NTNG1: variants seen among roughly 807,000 people sequenced by gnomAD.
NTNG1 encodes netrin-G1.
Under a neutral mutation model 54.0 loss-of-function variants are expected in NTNG1, and 16 were observed. The ratio of observed to expected loss-of-function variants is 0.30; its 90% confidence interval spans 0.20 to 0.45. The LOEUF is 0.45. Ranked by LOEUF, NTNG1 falls within the 20% of genes least tolerant of loss-of-function variation. NTNG1 has a pLI of 1.00. For synonymous variants in NTNG1, 255 were observed against 263.1 expected, an observed-to-expected ratio of 0.97 and a Z score of 0.30; for missense variants, 530 against 678.7, an observed-to-expected ratio of 0.78 and a Z score of 2.43.
chr1:107,186,233 G>C (rs776491864), intron 2 of NTNG1, among the ~76,000 whole-genome samples: 33 of 152,052 alleles, frequency 2.2e-4, no homozygotes, highest in Non-Finnish European at 4.9e-4. Flanking sequence ...TCCCAAATCT[G>C]TTCACTTGCC....
chr1:107,408,077 G>T (rs1673565009), intron 5 of NTNG1: 2 of 328,590 alleles, frequency 6.1e-6, no homozygotes, highest in Non-Finnish European at 5.9e-6. Flanking sequence ...ACTGGATTTG[G>T]ATGTCTGACA....
At chr1:107,207,259 A>G (rs1282964849) in intron 2 of NTNG1, among the ~76,000 whole-genome samples, 1 of 152,172 alleles carries the variant, frequency 6.6e-6, no homozygotes, top group East Asian at 1.9e-4. Flanking sequence ...GGCACTAACT[A>G]TGACACCTAG....
intron 2 of NTNG1, among the ~76,000 whole-genome samples, chr1:107,224,339 A>G (rs1040670521): frequency 6.6e-6 from 1 of 152,208 alleles, no homozygotes; most frequent in Non-Finnish European, 1.5e-5. Context: ...CTTGAAATGA[A>G]CTGCCCGAAA....
chr1:107,414,865 G>A (rs1352304073), intron 5 of NTNG1, among the ~76,000 whole-genome samples: 1 of 152,108 alleles, frequency 6.6e-6, no homozygotes, highest in Non-Finnish European at 1.5e-5. Flanking sequence ...TTGTTCAAGT[G>A]GTGGAACCGG....
At chr1:107,264,290 G>C (rs1054159633) in intron 2 of NTNG1, among the ~76,000 whole-genome samples, 9 of 151,938 alleles carry the variant, frequency 5.9e-5, no homozygotes, top group African/African-American at 2.2e-4. Context: ...ACTTCTTATC[G>C]ATCATCTGAC....
intron 5 of NTNG1, chr1:107,409,547 G>A (rs936704957): frequency 6.6e-6 from 1 of 152,022 alleles, no homozygotes; most frequent in African/African-American, 2.4e-5. Context: ...GTTTTGTTTT[G>A]TTTTGAAATC....
At position 107,484,295 on chromosome 1, in the gene NTNG1, G is replaced by A. The variant is rs1678902902; in HGVS notation, c.*3455G>A. Among the ~76,000 whole-genome samples, 1 of 152,126 alleles carries A rather than the reference G, an allele frequency of 6.6e-6. No individual in the cohort carries two copies. The highest frequency in any genetic ancestry group is 1.5e-5 in the Non-Finnish European group (1 of 68,032). The stretch of plus-strand genomic sequence containing the variant: ...GAGGGGTAGGAAGGAGATAGACAAG[G>A]GCTACCACGAGGCTGGGGGCCAGTA... On this transcript the variant is annotated 3_prime_UTR_variant, in exon 8 of 8. Coordinates refer to ENST00000370068, the MANE Select transcript of NTNG1 (RefSeq NM_001113226.3).
intron 7 of NTNG1, among the ~76,000 whole-genome samples, chr1:107,470,123 A>T (rs999089995): frequency 6.6e-5 from 10 of 152,032 alleles, no homozygotes; most frequent in Non-Finnish European, 1.3e-4. Flanking sequence ...CAAGTCTAAG[A>T]CCCCTTCATG....
At chr1:107,414,711 G>T (rs1192459600) in intron 5 of NTNG1, among the ~76,000 whole-genome samples, 1 of 152,090 alleles carries the variant, frequency 6.6e-6, no homozygotes, top group African/African-American at 2.4e-5. Context: ...ACCGCAAATA[G>T]AATGAGCTAA....
At chr1:107,235,893 T>G (rs983681847) in intron 2 of NTNG1, among the ~76,000 whole-genome samples, 9 of 152,148 alleles carry the variant, frequency 5.9e-5, no homozygotes, top group African/African-American at 9.7e-5. Flanking sequence ...ACTAAGATAC[T>G]GAAATTTAAT....
Position 107,364,937 on chromosome 1 carries a change from A to G in NTNG1, c.888-30217A>G, listed in dbSNP as rs532216624. On this transcript the variant is annotated intron_variant, in intron 3 of 7. Coordinates refer to ENST00000370068, the MANE Select transcript of NTNG1 (RefSeq NM_001113226.3). Reference sequence around the variant, plus strand: ...AAAAAAGTACTTCCCAAAGTATAGCACTTGTAACACTGATGGGAAACAAAA... The same window carrying G: ...AAAAAAGTACTTCCCAAAGTATAGCGCTTGTAACACTGATGGGAAACAAAA... 1.7e-3 allele frequency among the ~76,000 whole-genome samples: 257 copies of G among 152,296 alleles called. 1 individual carries two copies. Among genetic ancestry groups the G allele is most frequent in the Middle Eastern group, 0.01 (3 of 294 alleles).
Position 107,482,375 on chromosome 1 carries a change from C to T in NTNG1, c.*1535C>T, listed in dbSNP as rs1182267395. On this transcript the variant is annotated 3_prime_UTR_variant, in exon 8 of 8. Transcript: ENST00000370068. ...GCAGCAAGTAGACATAACTGCTGTT[C>T]CTGAGAATAAAGTTTGTTTTAAGTG... 1 of 152,148 alleles carries T rather than the reference C, an allele frequency of 6.6e-6. No homozygotes were observed. Among genetic ancestry groups the T allele is most frequent in the Non-Finnish European group, 1.5e-5 (1 of 68,030 alleles). The allele number at this position is 152,148 out of a possible 1,614,324, so 9.4% of individuals were successfully genotyped here. A position where few individuals can be genotyped will look rare whatever the true frequency, so the allele number is the denominator to read the frequency against.
chr1:107,384,706 T>A (rs1266767552), intron 3 of NTNG1, among the ~76,000 whole-genome samples: 1 of 152,240 alleles, frequency 6.6e-6, no homozygotes, highest in Non-Finnish European at 1.5e-5. Flanking sequence ...TATGGAAACC[T>A]GGCCTCTGGG....
chr1:107,434,208 G>A (rs768338429), intron 6 of NTNG1, among the ~76,000 whole-genome samples: 5 of 152,164 alleles, frequency 3.3e-5, no homozygotes, highest in Non-Finnish European at 7.3e-5. Flanking sequence ...TTGACAAAAT[G>A]TAGGCTCTGT....
chr1:107,158,269 T>C (rs570170355), intron 2 of NTNG1, among the ~76,000 whole-genome samples: 2 of 152,292 alleles, frequency 1.3e-5, no homozygotes, highest in Non-Finnish European at 2.9e-5. Context: ...GGGAAAATGA[T>C]GAAATTTGTT....
chr1:107,285,139 C>A (rs1031792796), intron 2 of NTNG1, among the ~76,000 whole-genome samples: 3 of 152,092 alleles, frequency 2.0e-5, no homozygotes, highest in African/African-American at 7.2e-5. Flanking sequence ...TCAGATACAA[C>A]TTTGCACAAC....
chr1:107,262,178 G>T (rs538436899), intron 2 of NTNG1, among the ~76,000 whole-genome samples: 61 of 152,244 alleles, frequency 4.0e-4, no homozygotes, highest in African/African-American at 1.5e-3. Flanking sequence ...TCTTATAAAG[G>T]TATTTTTCAA....
intron 2 of NTNG1, among the ~76,000 whole-genome samples, chr1:107,255,474 C>A (rs1662873152): frequency 6.6e-6 from 1 of 152,090 alleles, no homozygotes; most frequent in South Asian, 2.1e-4. Context: ...AATGCATTAG[C>A]CCAGATGAAA....
At chr1:107,411,189 C>T (rs2101167601) in intron 5 of NTNG1, among the ~76,000 whole-genome samples, 1 of 17,106 alleles carries the variant, frequency 5.8e-5, no homozygotes, top group Non-Finnish European at 1.2e-3. Context: ...CTCTCCTGTC[C>T]CCCACCCTAA....
Sources: allele counts gnomAD v4.1 joint callset (sites outside exome capture counted in the v4.1 genomes callset), GRCh38; gene constraint gnomAD v4.1.1; transcripts MANE v1.5; gene names NCBI Gene and HGNC (gene_info 2026-07-23, HGNC 2026-07-21).